Variants in DSCAML1 observed in about 807,000 individuals in gnomAD.
The protein encoded by DSCAML1 is DS cell adhesion molecule like 1, also known as cell adhesion molecule DSCAML1.
DSCAML1 carries 38 observed loss-of-function variants against 200.5 expected under a neutral mutation model. The observed-to-expected ratio is 0.19, with a 90% CI of 0.15 to 0.25. The LOEUF (loss-of-function observed/expected upper bound fraction) is 0.25. Among genes scored for constraint, DSCAML1 ranks in the 10% least tolerant of loss-of-function variants. DSCAML1 has a pLI of 1.00. For missense variants in DSCAML1, 2,223 were observed against 2,858.8 expected, an observed-to-expected ratio of 0.78 and a Z score of 5.07; for synonymous variants, 1,215 against 1,165.0, an observed-to-expected ratio of 1.04 and a Z score of -0.87.
intron 1 of DSCAML1, among the ~76,000 whole-genome samples, chr11:117,804,931 GAA>G (rs61012823): frequency 6.6e-6 from 1 of 150,782 alleles, no homozygotes. Flanking sequence ...TCTCATAAAA[GAA>G]AAAAAAAATC....
chr11:117,572,559 G>A (rs750670723), intron 3 of DSCAML1, among the ~76,000 whole-genome samples: 4 of 152,098 alleles, frequency 2.6e-5, no homozygotes, highest in East Asian at 1.9e-4. Flanking sequence ...TGTATCCTCC[G>A]GTCACACCAG....
rs59560691 is a variant in DSCAML1 at position 117,531,938 on chromosome 11, A to AGGAG, written c.658+434_658+437dup. 6.4e-4 allele frequency among the ~76,000 whole-genome samples: 53 copies of AGGAG among 82,450 alleles called. 1 individual carries two copies. The highest frequency in any genetic ancestry group is 2.9e-3 in the East Asian group (7 of 2,404). 54.1% of individuals were successfully genotyped at this position (82,450 alleles called of 152,430 possible). ...GGAAAGGGAAGGGAAGGGAGGAGGGAGGAGGGAGGGAGGGAGGGAGGGAGG... is the reference window on the plus strand; with the variant it reads ...GGAAAGGGAAGGGAAGGGAGGAGGGAGGAGGGAGGGAGGGAGGGAGGGAGGGAGG... On this transcript the variant is annotated intron_variant, in intron 4 of 32. Coordinates refer to ENST00000651296, the MANE Select transcript of DSCAML1 (RefSeq NM_020693.4).
intron 3 of DSCAML1, among the ~76,000 whole-genome samples, chr11:117,689,636 T>A (rs1406661065): frequency 6.6e-6 from 1 of 152,114 alleles, no homozygotes; most frequent in African/African-American, 2.4e-5. Flanking sequence ...CAAGGCTCCC[T>A]CCTGCCCTGG....
chr11:117,770,523 A>C (rs1021159066), intron 3 of DSCAML1, among the ~76,000 whole-genome samples: 3 of 152,150 alleles, frequency 2.0e-5, no homozygotes, highest in African/African-American at 7.2e-5. Flanking sequence ...CAGGTCTCCC[A>C]GTGTCCTCCA....
intron 1 of DSCAML1, among the ~76,000 whole-genome samples, chr11:117,784,823 G>C (rs1465924650): frequency 6.6e-6 from 1 of 152,182 alleles, no homozygotes; most frequent in Non-Finnish European, 1.5e-5. Flanking sequence ...CTGCCTCCCA[G>C]AGCTGCCAAG....
At position 117,498,089 on chromosome 11, in the gene DSCAML1, C is replaced by T. The variant is rs77822543; in HGVS notation, c.2359+5756G>A. Among the ~76,000 whole-genome samples the T allele has an allele frequency of 0.056, 8,503 of 152,264 alleles. 343 individuals carry two copies. Among genetic ancestry groups the T allele is most frequent in the South Asian group, 0.13 (630 of 4,818 alleles). ...CAAAGGCCTGTGCTGAGCTGGGTGC[C>T]AGAAGTGAGAGTTCCCACCCAGGGA... On this transcript the variant is annotated intron_variant, in intron 11 of 32. Transcript: ENST00000651296. This position sits in a 1 kb window ranked among gnomAD's most constrained non-coding sequence, Gnocchi z 4.0.
intron 3 of DSCAML1, among the ~76,000 whole-genome samples, chr11:117,751,659 C>T (rs937937820): frequency 2.0e-5 from 3 of 152,072 alleles, no homozygotes; most frequent in African/African-American, 7.2e-5. Context: ...GCTGCCGAGC[C>T]AGCAACACAT....
intron 3 of DSCAML1, among the ~76,000 whole-genome samples, chr11:117,740,620 AC>A (rs1170443821): frequency 1.3e-5 from 2 of 151,940 alleles, no homozygotes; most frequent in Non-Finnish European, 2.9e-5. Context: ...CCTGGCAAGC[AC>A]CCCACTGCCC....
chr11:117,458,855 C>A lies in DSCAML1; in HGVS notation c.3467G>T (p.Gly1156Val). 6.2e-7 allele frequency: 1 copy of A among 1,614,060 alleles called. No homozygotes were observed. Among genetic ancestry groups the A allele is most frequent in the Non-Finnish European group, 8.5e-7 (1 of 1,180,020 alleles). Residue 1156 changes from glycine to valine, a missense_variant, in exon 19 of 33, where the codon GGC becomes GTC. Gly to Val is a moderately radical substitution (Grantham distance 109, BLOSUM62 -3). Around this residue, in one of 7 missense-constraint regions of DSCAML1, gnomAD observed 438 missense variants for 629.7 expected, o/e 0.70. Coordinates refer to ENST00000651296, the MANE Select transcript of DSCAML1 (RefSeq NM_020693.4). ...TTTRERVELR[G>V]MEKFTNYSVQ... is the part of the protein sequence containing the mutation. ...GCTGTAGTTGGTGAACTTCTCCATG[C>A]CCCGCAGCTCCACCCGCTCCCGCGT... is the stretch of plus-strand genomic sequence containing the variant.
At chr11:117,446,126 G>A (rs548567924) in intron 20 of DSCAML1, among the ~76,000 whole-genome samples, 42 of 152,344 alleles carry the variant, frequency 2.8e-4, no homozygotes, top group African/African-American at 8.4e-4. Flanking sequence ...CACTGTGGGA[G>A]GCCAAGGCAG....
At position 117,518,893 on chromosome 11, in the gene DSCAML1, ATTC is replaced by A; in HGVS notation, c.1214-134_1214-132del. On this transcript the variant is annotated intron_variant, in intron 6 of 32. Transcript: ENST00000651296. This position sits in a 1 kb window ranked among gnomAD's most constrained non-coding sequence, Gnocchi z 6.3. ...CAAACAAGAACTTTTGTGTACATCA[ATTC>A]TTCTGCTATCCGCAACCCCAAGTGG... The A allele has an allele frequency of 9.8e-7, 1 of 1,020,800 alleles. No individual in the cohort carries two copies. Among genetic ancestry groups the A allele is most frequent in the Non-Finnish European group, 1.4e-6 (1 of 719,746 alleles). The allele number at this position is 1,020,800 out of a possible 1,614,324, so 63.2% of individuals were successfully genotyped here.
At chr11:117,671,984 C>T (rs1001523932) in intron 3 of DSCAML1, among the ~76,000 whole-genome samples, 1 of 151,724 alleles carries the variant, frequency 6.6e-6, no homozygotes, top group Non-Finnish European at 1.5e-5. Flanking sequence ...GCCTGTAGTC[C>T]CAGCTACTCG....
chr11:117,512,469 T>C (rs775630471), intron 8 of DSCAML1, among the ~76,000 whole-genome samples: 7 of 152,096 alleles, frequency 4.6e-5, no homozygotes, highest in Admixed American at 1.3e-4. Context: ...AAAATGGGGA[T>C]GAGGGGGCCT....
intron 3 of DSCAML1, among the ~76,000 whole-genome samples, chr11:117,541,448 A>G (rs1169526545): frequency 6.6e-6 from 1 of 152,210 alleles, no homozygotes; most frequent in Non-Finnish European, 1.5e-5. Context: ...CTGGCAGTGG[A>G]GGAGGCATCT....
At chr11:117,701,761 T>C (rs2053671223) in intron 3 of DSCAML1, among the ~76,000 whole-genome samples, 1 of 152,190 alleles carries the variant, frequency 6.6e-6, no homozygotes, top group Admixed American at 6.5e-5. Flanking sequence ...ACAGACCCTT[T>C]GTGGCGCTGC....
At chr11:117,604,415 AGC>A (rs1404332610) in intron 3 of DSCAML1, among the ~76,000 whole-genome samples, 7 of 151,140 alleles carry the variant, frequency 4.6e-5, no homozygotes, top group Non-Finnish European at 8.8e-5. Context: ...CCTCCCTCCC[AGC>A]GCCTGCCCCT....
intron 3 of DSCAML1, among the ~76,000 whole-genome samples, chr11:117,652,675 C>T (rs1017043203): frequency 3.3e-5 from 5 of 152,302 alleles, no homozygotes; most frequent in African/African-American, 1.2e-4. Flanking sequence ...CCTGGGCCCC[C>T]GAAGCAACTG....
At chr11:117,587,940 C>T (rs2051182154) in intron 3 of DSCAML1, among the ~76,000 whole-genome samples, 2 of 152,128 alleles carry the variant, frequency 1.3e-5, no homozygotes, top group African/African-American at 4.8e-5. Flanking sequence ...GTCTAACATC[C>T]AGGGATTTGG....
intron 3 of DSCAML1, among the ~76,000 whole-genome samples, chr11:117,698,094 G>C (rs1015036819): frequency 7.2e-5 from 11 of 152,154 alleles, no homozygotes; most frequent in African/African-American, 2.7e-4. Flanking sequence ...TTTAGAGGCT[G>C]AATCATATTC....
Sources: allele counts gnomAD v4.1 joint callset (sites outside exome capture counted in the v4.1 genomes callset), GRCh38; gene constraint gnomAD v4.1.1; regional missense constraint gnomAD v4.1.1; non-coding constraint Gnocchi (gnomAD v3.1); transcripts MANE v1.5; gene names NCBI Gene and HGNC (gene_info 2026-07-23, HGNC 2026-07-21).